FAT3: variants seen among roughly 807,000 people sequenced by gnomAD.
The protein encoded by FAT3 is FAT atypical cadherin 3.
A neutral mutation model predicts 310.2 loss-of-function variants in FAT3; 95 were observed. That is an observed-to-expected ratio of 0.31 (90% CI 0.26 to 0.36). The LOEUF is 0.36. Ranked by LOEUF, FAT3 falls within the 10% of genes least tolerant of loss-of-function variation. The probability of loss-of-function intolerance (pLI) is 1.00; values close to 1 mark genes in which losing one functional copy is unlikely to be tolerated. For missense variants in FAT3, 5,408 were observed against 5,715.6 expected (o/e 0.95, Z 1.74); for synonymous variants, 2,314 against 2,192.9 (o/e 1.06, Z -1.54).
At position 92,524,714 on chromosome 11, in the gene FAT3, G is replaced by T. The variant is rs527758094; in HGVS notation, c.3373G>T (p.Val1125Phe). The T allele has an allele frequency of 3.1e-6, 5 of 1,613,686 alleles. No individual in the cohort carries two copies. Among genetic ancestry groups the T allele is most frequent in the African/African-American group, 2.7e-5 (2 of 74,894 alleles). Reference protein sequence around the residue: ...WLTVYATDRGVVPLYSTIEVY... With the variant: ...WLTVYATDRGFVPLYSTIEVY... ...AACAGTGTATGCCACAGACAGGGGC[G>T]TTGTTCCACTCTACTCCACCATTGA... Residue 1125 changes from valine to phenylalanine, a missense_variant, in exon 3 of 28, where the codon GTT becomes TTT. By Grantham distance (50) the Val-to-Phe change is conservative. Transcript: ENST00000525166.
At chr11:92,495,172 G>A (rs1001967911) in intron 2 of FAT3, among the ~76,000 whole-genome samples, 2 of 151,884 alleles carry the variant, frequency 1.3e-5, no homozygotes, top group African/African-American at 4.8e-5. Context: ...AAGAGGTTTT[G>A]TAAACTTGTC....
At chr11:92,476,242 C>G (rs1014764710) in intron 2 of FAT3, among the ~76,000 whole-genome samples, 9 of 152,138 alleles carry the variant, frequency 5.9e-5, no homozygotes, top group Admixed American at 5.9e-4. Context: ...AGATCACCAT[C>G]TTTTTGTTGA....
chr11:92,840,500 T>A, intron 17 of FAT3, 62 bp from the exon 18 acceptor site: 1 of 1,403,604 alleles, frequency 7.1e-7, no homozygotes, highest in East Asian at 2.4e-5. Context: ...TGTTTTGTTT[T>A]AATGAATGTG....
At chr11:92,284,637 G>T (rs187745148) in intron 1 of FAT3, among the ~76,000 whole-genome samples, 7 of 152,226 alleles carry the variant, frequency 4.6e-5, no homozygotes, top group African/African-American at 1.7e-4. Flanking sequence ...GGCACACTGC[G>T]TTTGAAAACC....
intron 2 of FAT3, among the ~76,000 whole-genome samples, chr11:92,475,814 T>C (rs2135169514): frequency 6.6e-6 from 1 of 152,312 alleles, no homozygotes; most frequent in African/African-American, 2.4e-5. Flanking sequence ...AGTTATAGAC[T>C]AGAATCATGA....
At position 92,565,244 on chromosome 11, in the gene FAT3, G is replaced by T. The variant is rs191809170; in HGVS notation, c.3607+40296G>T. Among the ~76,000 whole-genome samples the T allele has an allele frequency of 1.9e-3, 282 of 151,744 alleles. 1 individual carries two copies. The highest frequency in any genetic ancestry group is 9.9e-3 in the Admixed American group (151 of 15,192). ...CACGGAAATACAAACTACCATCAGA[G>T]ATTACTACAAACACCTCTACGCAAA... On this transcript the variant is annotated intron_variant, in intron 3 of 27. Transcript: ENST00000525166.
chr11:92,354,025 C>T lies in FAT3; in HGVS notation c.1913C>T (p.Ser638Leu). 1.2e-6 allele frequency: 2 copies of T among 1,613,172 alleles called. No homozygotes were observed. The highest frequency in any genetic ancestry group is 1.7e-6 in the Non-Finnish European group (2 of 1,179,574). The change falls in exon 2 of 28, where the codon TCA becomes TTA. Residue 638 changes from serine (S) to leucine (L), a missense_variant. Around this residue, in one of 5 missense-constraint regions of FAT3, gnomAD observed 4,588 missense variants for 4,809.8 expected, o/e 0.95. Transcript: ENST00000525166. Reference sequence around the variant, plus strand: ...TCTGGTGTTTTACAGCTTAAAAAATCACTGACAAATTCTGGCATTAAAAAT... The same window carrying T: ...TCTGGTGTTTTACAGCTTAAAAAATTACTGACAAATTCTGGCATTAAAAAT... ...PDSGVLQLKK[S>L]LTNSGIKNGN...
At chr11:92,781,135 C>T (rs181363253) in intron 7 of FAT3, among the ~76,000 whole-genome samples, 1 of 137,096 alleles carries the variant, frequency 7.3e-6, no homozygotes, top group Non-Finnish European at 1.5e-5. Context: ...AGTACAGTGG[C>T]ACAATCTCGT....
At chr11:92,594,544 C>G (rs929608075) in intron 3 of FAT3, among the ~76,000 whole-genome samples, 1 of 152,170 alleles carries the variant, frequency 6.6e-6, no homozygotes, top group Non-Finnish European at 1.5e-5. Flanking sequence ...TGACCTTAGT[C>G]ATTCATTTAT....
intron 4 of FAT3, among the ~76,000 whole-genome samples, chr11:92,729,951 G>A (rs1945128727): frequency 6.6e-6 from 1 of 152,064 alleles, no homozygotes; most frequent in Non-Finnish European, 1.5e-5. Flanking sequence ...GGTTATCTCT[G>A]GGTAATGGGA....
chr11:92,376,940 GT>G (rs1331003513), intron 2 of FAT3, among the ~76,000 whole-genome samples: 2 of 152,076 alleles, frequency 1.3e-5, no homozygotes, highest in Non-Finnish European at 2.9e-5. Context: ...TATTTAATAT[GT>G]CATTTTTATT....
intron 21 of FAT3, among the ~76,000 whole-genome samples, chr11:92,864,189 A>C (rs1349697841): frequency 6.6e-6 from 1 of 152,200 alleles, no homozygotes; most frequent in Admixed American, 6.5e-5. Context: ...GATTATTCAA[A>C]GAGGTAGGAG....
chr11:92,649,157 T>A (rs1208311390), intron 3 of FAT3, among the ~76,000 whole-genome samples: 3 of 152,226 alleles, frequency 2.0e-5, no homozygotes, highest in African/African-American at 7.2e-5. Flanking sequence ...AGACTGGCAT[T>A]TCTCCTAATT....
At chr11:92,232,949 T>G (rs908897956) in intron 1 of FAT3, among the ~76,000 whole-genome samples, 8 of 152,226 alleles carry the variant, frequency 5.3e-5, no homozygotes, top group African/African-American at 1.9e-4. Flanking sequence ...CTCTCAGTTT[T>G]TCAGTTAATG....
intron 3 of FAT3, among the ~76,000 whole-genome samples, chr11:92,617,183 C>T (rs567832549): frequency 1.3e-5 from 2 of 152,252 alleles, no homozygotes; most frequent in Admixed American, 1.3e-4. Context: ...TTTCTTTTTA[C>T]TCTTTTTTCT....
At chr11:92,318,964 A>G (rs1174317163) in intron 1 of FAT3, among the ~76,000 whole-genome samples, 1 of 152,202 alleles carries the variant, frequency 6.6e-6, no homozygotes, top group Non-Finnish European at 1.5e-5. Context: ...TCAACTATTT[A>G]TGGAGCATAT....
At chr11:92,838,065 G>A (rs1948450909) in intron 17 of FAT3, among the ~76,000 whole-genome samples, 1 of 152,146 alleles carries the variant, frequency 6.6e-6, no homozygotes, top group Non-Finnish European at 1.5e-5. Flanking sequence ...TGTGAAGAGG[G>A]ATGGTGGATT....
intron 3 of FAT3, among the ~76,000 whole-genome samples, chr11:92,614,179 T>C (rs2135636769): frequency 6.6e-6 from 1 of 152,324 alleles, no homozygotes; most frequent in East Asian, 1.9e-4. Context: ...CCATGTTTTT[T>C]TGGCTATGAT....
At chr11:92,432,764 G>A in intron 2 of FAT3, among the ~76,000 whole-genome samples, 1 of 152,176 alleles carries the variant, frequency 6.6e-6, no homozygotes, top group East Asian at 1.9e-4. Context: ...CGAGCACTGT[G>A]CTGGGAGATC....
Sources: allele counts gnomAD v4.1 joint callset (sites outside exome capture counted in the v4.1 genomes callset), GRCh38; gene constraint gnomAD v4.1.1; regional missense constraint gnomAD v4.1.1; transcripts MANE v1.5; gene names NCBI Gene and HGNC (gene_info 2026-07-23, HGNC 2026-07-21).